Variants in SLC16A10 observed in about 807,000 individuals in gnomAD.
The protein encoded by SLC16A10 is solute carrier family 16 member 10.
SLC16A10 carries 27 observed loss-of-function variants against 40.0 expected under a neutral mutation model. The ratio of observed to expected loss-of-function variants is 0.67; its 90% CI spans 0.50 to 0.93. The LOEUF (loss-of-function observed/expected upper bound fraction) is 0.93, where lower values mean the gene tolerates loss of function less well. Ranked by LOEUF, SLC16A10 falls within the 40% of genes least tolerant of loss-of-function variation. SLC16A10 has a pLI of 0.00. For missense variants in SLC16A10, 529 were observed against 658.2 expected (o/e 0.80, Z 2.15); for synonymous variants, 213 against 249.8 (o/e 0.85, Z 1.39).
chr6:111,166,317 A>G (rs906715255), intron 1 of SLC16A10, among the ~76,000 whole-genome samples: 9 of 121,206 alleles, frequency 7.4e-5, no homozygotes, highest in African/African-American at 2.2e-4. Flanking sequence ...TAAGCCAAGC[A>G]GTTTAAGGTT....
At chr6:111,130,670 C>T (rs1363746698) in intron 1 of SLC16A10, among the ~76,000 whole-genome samples, 6 of 152,238 alleles carry the variant, frequency 3.9e-5, no homozygotes, top group Non-Finnish European at 8.8e-5. Flanking sequence ...GTGTTACCCT[C>T]CCACCACCTG....
At chr6:111,119,611 C>T (rs145913921) in intron 1 of SLC16A10, among the ~76,000 whole-genome samples, 48 of 152,256 alleles carry the variant, frequency 3.2e-4, no homozygotes, top group Middle Eastern at 3.4e-3. Flanking sequence ...TAATGCTAGC[C>T]ATATGTTATG....
intron 1 of SLC16A10, among the ~76,000 whole-genome samples, chr6:111,139,913 G>C (rs1433207352): frequency 6.6e-6 from 1 of 152,012 alleles, no homozygotes; most frequent in South Asian, 2.1e-4. Context: ...CTACAACCTC[G>C]CCAGCATCTG....
chr6:111,101,001 TATATATATATATATATAA>T (rs1771175236), intron 1 of SLC16A10, among the ~76,000 whole-genome samples: 15 of 126,214 alleles, frequency 1.2e-4, no homozygotes, highest in African/African-American at 4.7e-4. Flanking sequence ...TCTATATATA[TATATATATATATATATAA>T]ATATATGTAT....
rs1770941363 is a variant in SLC16A10 at position 111,223,616 on chromosome 6, GC to G, written c.*1383del. 6.6e-6 allele frequency: 1 copy of G among 152,130 alleles called. No individual in the cohort carries two copies. Among genetic ancestry groups the G allele is most frequent in the Admixed American group, 6.5e-5 (1 of 15,282 alleles). The allele number at this position is 152,130 out of a possible 1,614,324, so 9.4% of individuals were successfully genotyped here. A position where few individuals can be genotyped will look rare whatever the true frequency, so the allele number is the denominator to read the frequency against. On this transcript the variant is annotated 3_prime_UTR_variant, in exon 6 of 6. Transcript: ENST00000368851. Reference sequence around the variant, plus strand: ...CATATTCAGGGGACTTAGATAATTTGCCTGTGGATGGTTCTTTTGCAGGAAA... The same window carrying G: ...CATATTCAGGGGACTTAGATAATTTGCTGTGGATGGTTCTTTTGCAGGAAA...
chr6:111,202,373 G>A (rs1460976757), intron 3 of SLC16A10, among the ~76,000 whole-genome samples: 1 of 152,150 alleles, frequency 6.6e-6, no homozygotes, highest in Non-Finnish European at 1.5e-5. Flanking sequence ...AGGTACTCGG[G>A]AGGCTGAGGT....
At chr6:111,104,505 A>T (rs1426997423) in intron 1 of SLC16A10, among the ~76,000 whole-genome samples, 3 of 152,204 alleles carry the variant, frequency 2.0e-5, no homozygotes, top group Admixed American at 6.5e-5. Flanking sequence ...TACATTTTGT[A>T]TTGTGCCCCA....
At chr6:111,197,821 A>G (rs1269585205) in intron 3 of SLC16A10, among the ~76,000 whole-genome samples, 1 of 152,002 alleles carries the variant, frequency 6.6e-6, no homozygotes, top group East Asian at 1.9e-4. Flanking sequence ...TCTTAACCCA[A>G]TCTCTAGTGA....
intron 1 of SLC16A10, among the ~76,000 whole-genome samples, chr6:111,097,225 CT>C (rs1771089722): frequency 6.6e-6 from 1 of 152,120 alleles, no homozygotes; most frequent in South Asian, 2.1e-4. Flanking sequence ...TTTGCCTTTC[CT>C]TGTGAGTGGC....
Position 111,151,251 on chromosome 6 carries a change from G to A in SLC16A10, c.344-21444G>A, listed in dbSNP as rs1772167280. Among the ~76,000 whole-genome samples, 3 of 152,176 alleles carry A rather than the reference G, an allele frequency of 2.0e-5. No homozygotes were observed. In the South Asian group the frequency reaches 6.2e-4, roughly 31 times the overall value. On this transcript the variant is annotated intron_variant, in intron 1 of 5. Transcript: ENST00000368851. Reference sequence around the variant, plus strand: ...TTTGCTTTATATTCAGGCATATTGAGTAAGTTGCCTTCATTTTCAAACAAA... The same window carrying A: ...TTTGCTTTATATTCAGGCATATTGAATAAGTTGCCTTCATTTTCAAACAAA...
At chr6:111,110,435 T>G (rs73528982) in intron 1 of SLC16A10, among the ~76,000 whole-genome samples, 19,146 of 150,328 alleles carry the variant, frequency 0.13, 1,353 homozygotes, top group Middle Eastern at 0.17. Flanking sequence ...TTACTAAAGG[T>G]CTAATTGATG....
chr6:111,152,460 A>T (rs1405016508), intron 1 of SLC16A10, among the ~76,000 whole-genome samples: 1 of 152,240 alleles, frequency 6.6e-6, no homozygotes, highest in Non-Finnish European at 1.5e-5. Flanking sequence ...TTTCTTTCAA[A>T]TATTAATCCT....
intron 1 of SLC16A10, among the ~76,000 whole-genome samples, chr6:111,146,560 C>A (rs1772080200): frequency 6.6e-6 from 1 of 152,042 alleles, no homozygotes; most frequent in Non-Finnish European, 1.5e-5. Flanking sequence ...TACAGTGAAA[C>A]CCCATCTCTA....
At chr6:111,217,405 A>AT (rs898217063) in intron 4 of SLC16A10, among the ~76,000 whole-genome samples, 3 of 152,014 alleles carry the variant, frequency 2.0e-5, no homozygotes, top group South Asian at 4.1e-4. Flanking sequence ...GCTTTTAAAA[A>AT]TTTTTTCTGC....
intron 1 of SLC16A10, among the ~76,000 whole-genome samples, chr6:111,115,862 A>G (rs1771477375): frequency 6.6e-6 from 1 of 152,094 alleles, no homozygotes; most frequent in African/African-American, 2.4e-5. Context: ...ACCAGATGAA[A>G]GGGCTGTAGT....
At chr6:111,126,463 T>C in intron 1 of SLC16A10, among the ~76,000 whole-genome samples, 1 of 152,290 alleles carries the variant, frequency 6.6e-6, no homozygotes, top group African/African-American at 2.4e-5. Context: ...TTGACTAATG[T>C]TGAACTATAT....
intron 1 of SLC16A10, among the ~76,000 whole-genome samples, chr6:111,155,317 G>A (rs541554624): frequency 9.2e-5 from 14 of 151,696 alleles, no homozygotes; most frequent in East Asian, 5.8e-4. Flanking sequence ...TGAGTAGCTG[G>A]GACAACAGGT....
chr6:111,101,665 C>T (rs534945151), intron 1 of SLC16A10, among the ~76,000 whole-genome samples: 38 of 152,254 alleles, frequency 2.5e-4, no homozygotes, highest in African/African-American at 8.7e-4. Flanking sequence ...CTGTGTTGCT[C>T]AGGCTGGAGT....
intron 1 of SLC16A10, among the ~76,000 whole-genome samples, chr6:111,132,259 A>G (rs1393774420): frequency 6.7e-6 from 1 of 148,552 alleles, no homozygotes; most frequent in Non-Finnish European, 1.5e-5. Flanking sequence ...AAAGAGAAAA[A>G]GAAAGAGAAA....
Sources: allele counts gnomAD v4.1 joint callset (sites outside exome capture counted in the v4.1 genomes callset), GRCh38; gene constraint gnomAD v4.1.1; transcripts MANE v1.5; gene names NCBI Gene and HGNC (gene_info 2026-07-23, HGNC 2026-07-21).